The following DGKB variants were observed in gnomAD, a reference collection of about 807,000 sequenced individuals.
The protein encoded by DGKB is diacylglycerol kinase beta.
Under a neutral mutation model 114.3 loss-of-function variants are expected in DGKB, and 67 were observed. That is an observed-to-expected ratio of 0.59 (90% CI 0.48 to 0.72). The LOEUF is 0.72. DGKB is among the 30% of genes least tolerant of loss of function. The probability of loss-of-function intolerance (pLI) is 0.00; values close to 1 mark genes in which losing one functional copy is unlikely to be tolerated. For synonymous variants in DGKB, 398 were observed against 323.1 expected, an observed-to-expected ratio of 1.23 and a Z score of -2.49; for missense variants, 907 against 975.2, an observed-to-expected ratio of 0.93 and a Z score of 0.93.
chr7:14,924,594 G>T (rs1381032157), intron 1 of DGKB, among the ~76,000 whole-genome samples: 2 of 152,006 alleles, frequency 1.3e-5, no homozygotes, highest in African/African-American at 4.8e-5. Flanking sequence ...TATCTTAATA[G>T]TTCACTAGTG....
intron 23 of DGKB, among the ~76,000 whole-genome samples, chr7:14,235,264 G>A (rs187211106): frequency 9.2e-5 from 14 of 152,070 alleles, no homozygotes; most frequent in African/African-American, 3.1e-4. Flanking sequence ...TTTGTTCATT[G>A]TCCCGCACTG....
intron 21 of DGKB, among the ~76,000 whole-genome samples, chr7:14,387,650 T>C (rs1446601848): frequency 6.6e-6 from 1 of 152,064 alleles, no homozygotes; most frequent in African/African-American, 2.4e-5. Flanking sequence ...CTACTGGGCT[T>C]AAGTGATCTT....
intron 23 of DGKB, among the ~76,000 whole-genome samples, chr7:14,227,619 G>A (rs1052873381): frequency 2.6e-5 from 4 of 151,992 alleles, no homozygotes; most frequent in South Asian, 4.1e-4. Flanking sequence ...AGGCAGAAAG[G>A]AGAAGGAGGC....
intron 12 of DGKB, among the ~76,000 whole-genome samples, chr7:14,676,535 C>A (rs558522459): frequency 3.3e-5 from 5 of 151,874 alleles, no homozygotes; most frequent in African/African-American, 1.2e-4. Context: ...ATCTCATGTG[C>A]CTCATAAATG....
intron 1 of DGKB, among the ~76,000 whole-genome samples, chr7:14,856,054 C>G (rs1490622139): frequency 6.6e-6 from 1 of 151,446 alleles, no homozygotes; most frequent in African/African-American, 2.4e-5. Context: ...CTACAGTGCA[C>G]TTGAATTTTG....
intron 6 of DGKB, among the ~76,000 whole-genome samples, chr7:14,715,672 C>T (rs940063970): frequency 6.6e-6 from 1 of 152,078 alleles, no homozygotes; most frequent in East Asian, 1.9e-4. Flanking sequence ...GAAGACATGG[C>T]TTATATGGTA....
intron 2 of DGKB, among the ~76,000 whole-genome samples, chr7:14,792,469 G>C (rs1432415771): frequency 6.6e-6 from 1 of 152,124 alleles, no homozygotes; most frequent in African/African-American, 2.4e-5. Context: ...TAGGTGGACA[G>C]TGATAGGCAG....
At chr7:14,329,646 A>G (rs1490496628) in intron 23 of DGKB, among the ~76,000 whole-genome samples, 1 of 152,028 alleles carries the variant, frequency 6.6e-6, no homozygotes, top group East Asian at 1.9e-4. Context: ...CTGATGATAG[A>G]AAGAAATTAT....
intron 13 of DGKB, among the ~76,000 whole-genome samples, chr7:14,671,442 G>C (rs1043089868): frequency 2.0e-5 from 3 of 152,156 alleles, no homozygotes; most frequent in Non-Finnish European, 4.4e-5. Context: ...TTAATGATTA[G>C]AGATGAATCT....
chr7:14,689,194 C>CTATTTTTTTTT (rs1563917251), intron 9 of DGKB, among the ~76,000 whole-genome samples: 20 of 92,318 alleles, frequency 2.2e-4, no homozygotes, highest in Non-Finnish European at 3.8e-4. Flanking sequence ...ACAGAAACTC[C>CTATTTTTTTTT]TCTTATTTTT....
intron 23 of DGKB, among the ~76,000 whole-genome samples, chr7:14,292,933 G>A (rs749952804): frequency 2.6e-5 from 4 of 152,130 alleles, no homozygotes; most frequent in Non-Finnish European, 4.4e-5. Flanking sequence ...TCATAAATGA[G>A]TCATTCAGTA....
At chr7:14,875,493 G>T (rs1034946612) in intron 1 of DGKB, among the ~76,000 whole-genome samples, 3 of 152,108 alleles carry the variant, frequency 2.0e-5, no homozygotes, top group African/African-American at 4.8e-5. Context: ...AAGAATGCCT[G>T]TGTCAAGCAT....
intron 21 of DGKB, among the ~76,000 whole-genome samples, chr7:14,390,746 T>C (rs1297460685): frequency 6.6e-6 from 1 of 152,292 alleles, no homozygotes; most frequent in East Asian, 1.9e-4. Context: ...GTATTTCATT[T>C]AGAGATTGTT....
chr7:14,368,495 CA>C (rs1169832504), intron 21 of DGKB, among the ~76,000 whole-genome samples: 1 of 151,984 alleles, frequency 6.6e-6, no homozygotes, highest in Non-Finnish European at 1.5e-5. Context: ...CATTAATCAT[CA>C]GCTTGAGTTG....
intron 20 of DGKB, among the ~76,000 whole-genome samples, chr7:14,572,160 G>A (rs1036866963): frequency 1.3e-5 from 2 of 151,612 alleles, no homozygotes; most frequent in Non-Finnish European, 2.9e-5. Context: ...ACCATTTAAA[G>A]AATAAAGTAT....
At chr7:14,242,484 G>A (rs1032358154) in intron 23 of DGKB, among the ~76,000 whole-genome samples, 1 of 152,166 alleles carries the variant, frequency 6.6e-6, no homozygotes, top group Non-Finnish European at 1.5e-5. Flanking sequence ...GCGTGTCTGA[G>A]AAGGAGCGGA....
At chr7:14,270,517 G>A (rs1356089176) in intron 23 of DGKB, among the ~76,000 whole-genome samples, 1 of 152,170 alleles carries the variant, frequency 6.6e-6, no homozygotes, top group East Asian at 1.9e-4. Context: ...TCCTTTTCAG[G>A]AAGGGCTGTG....
At chr7:14,919,095 A>ACAAAC (rs1554345122) in intron 1 of DGKB, among the ~76,000 whole-genome samples, 29 of 114,968 alleles carry the variant, frequency 2.5e-4, no homozygotes, top group East Asian at 1.3e-3. Context: ...CACACACACA[A>ACAAAC]ACACACACAC....
At chr7:14,514,047 A>C (rs1354135353) in intron 20 of DGKB, among the ~76,000 whole-genome samples, 2 of 152,040 alleles carry the variant, frequency 1.3e-5, no homozygotes, top group Non-Finnish European at 2.9e-5. Flanking sequence ...CCATAAGATA[A>C]ATGATAAATG....
Sources: allele counts gnomAD v4.1 joint callset (sites outside exome capture counted in the v4.1 genomes callset), GRCh38; gene constraint gnomAD v4.1.1; transcripts MANE v1.5; gene names NCBI Gene and HGNC (gene_info 2026-07-23, HGNC 2026-07-21).